The following ELOA variants were observed in gnomAD, a reference collection of about 807,000 sequenced individuals.
ELOA encodes elongin A.
Under a neutral mutation model 85.2 loss-of-function variants are expected in ELOA, and 15 were observed. The observed-to-expected ratio is 0.18, with a 90% confidence interval of 0.12 to 0.27. The LOEUF is 0.27. Among genes scored for constraint, ELOA ranks in the 10% least tolerant of loss-of-function variants. The probability of loss-of-function intolerance (pLI) is 1.00; values close to 1 mark genes in which losing one functional copy is unlikely to be tolerated. For synonymous variants in ELOA, 348 were observed against 357.2 expected, an observed-to-expected ratio of 0.97 and a Z score of 0.29; for missense variants, 769 against 952.7, an observed-to-expected ratio of 0.81 and a Z score of 2.54.
chr1:23,751,639 T>A lies in ELOA; in HGVS notation c.1034T>A (p.Leu345Gln), dbSNP rs1424562720. Residue 345 changes from leucine (L) to glutamine (Q), a missense_variant, in exon 4 of 11, where the codon CTG becomes CAG. Physicochemically the swap from Leu to Gln is moderately radical, Grantham distance 113. Transcript: ENST00000613537. ...KAKLDKSKQG[L>Q]DSFDTGKGAG... ...AAATTGGACAAAAGCAAGCAAGGTC[T>A]GGACAGCTTTGACACAGGAAAAGGA... The A allele has an allele frequency of 8.7e-6, 14 of 1,614,060 alleles. No individual in the cohort carries two copies. The highest frequency in any genetic ancestry group is 1.2e-5 in the Non-Finnish European group (14 of 1,180,044).
chr1:23,744,894 T>C (rs1644739875), intron 1 of ELOA, among the ~76,000 whole-genome samples: 1 of 152,180 alleles, frequency 6.6e-6, no homozygotes, highest in Non-Finnish European at 1.5e-5. Flanking sequence ...CCTGAAAGGC[T>C]AAGGTACCAG....
intron 3 of ELOA, 82 bp downstream of exon 3, chr1:23,750,030 T>G (rs1158068952): frequency 1.7e-6 from 2 of 1,164,622 alleles, no homozygotes; most frequent in African/African-American, 3.1e-5. Flanking sequence ...ATTTCTCTTT[T>G]GCCTTCTGAA....
At chr1:23,750,239 G>C (rs1163537290) in intron 3 of ELOA, among the ~76,000 whole-genome samples, 3 of 141,650 alleles carry the variant, frequency 2.1e-5, no homozygotes, top group Non-Finnish European at 4.5e-5. Flanking sequence ...GCAGTGGCGT[G>C]ATCTCGGCTC....
In ELOA at chr1:23,749,695, C is replaced by T; in HGVS notation, c.133-147C>T. 6.0e-6 allele frequency: 4 copies of T among 664,778 alleles called. No individual in the cohort carries two copies. The South Asian group carries it at 8.8e-5, about 15-fold the overall frequency. The allele number at this position is 664,778 out of a possible 1,614,324, so 41.2% of individuals were successfully genotyped here. ...TCATTAGAGATTTGGGGCATAGACA[C>T]AAAGTAATTTAGTGTTAAGATTTGC... On this transcript the variant is annotated intron_variant, in intron 2 of 10. Coordinates refer to ENST00000613537, the MANE Select transcript of ELOA (RefSeq NM_003198.3).
At chr1:23,744,567 C>T (rs529189319) in intron 1 of ELOA, among the ~76,000 whole-genome samples, 1 of 151,950 alleles carries the variant, frequency 6.6e-6, no homozygotes, top group African/African-American at 2.4e-5. Flanking sequence ...AATTGTCTGC[C>T]TCAGCCTCCC....
chr1:23,746,870 G>A (rs1644749560), intron 1 of ELOA, among the ~76,000 whole-genome samples: 1 of 152,154 alleles, frequency 6.6e-6, no homozygotes, highest in South Asian at 2.1e-4. Context: ...ACCTGAGGAT[G>A]CCCAATGTGC....
At chr1:23,758,251 ATTTAT>A (rs1342489532) in intron 10 of ELOA, among the ~76,000 whole-genome samples, 1 of 48,576 alleles carries the variant, frequency 2.1e-5, no homozygotes, top group African/African-American at 9.0e-5. Flanking sequence ...CTTCCAATTT[ATTTAT>A]TTATTTTTTT....
chr1:23,746,750 A>C (rs1427017057), intron 1 of ELOA, among the ~76,000 whole-genome samples: 1 of 152,152 alleles, frequency 6.6e-6, no homozygotes, highest in African/African-American at 2.4e-5. Flanking sequence ...GGGACAACTG[A>C]GATGCCTCAA....
chr1:23,745,636 G>A (rs1644742775), intron 1 of ELOA, among the ~76,000 whole-genome samples: 1 of 151,860 alleles, frequency 6.6e-6, no homozygotes, highest in Admixed American at 6.6e-5. Flanking sequence ...TTTTGCAAAG[G>A]GCATAATAGT....
chr1:23,743,604 G>T, intron 1 of ELOA, 26 bp downstream of exon 1: 1 of 1,472,548 alleles, frequency 6.8e-7, no homozygotes. Context: ...GCGCGTAGCG[G>T]GATGGGCGTT....
chr1:23,758,292 G>T (rs1272558548), intron 10 of ELOA, among the ~76,000 whole-genome samples: 1 of 22,818 alleles, frequency 4.4e-5, no homozygotes. Context: ...TTTTTTTTTG[G>T]AGACAGAGTC....
At chr1:23,758,072 C>T (rs563990373) in intron 10 of ELOA, among the ~76,000 whole-genome samples, 2 of 151,406 alleles carry the variant, frequency 1.3e-5, no homozygotes, top group Admixed American at 6.6e-5. Flanking sequence ...TTGTGAATGA[C>T]CATTTTGGCA....
At chr1:23,754,038 G>GGAAGTAGGA in intron 5 of ELOA, 62 bp from the exon 6 acceptor site, 1 of 1,574,570 alleles carries the variant, frequency 6.4e-7, no homozygotes, top group Non-Finnish European at 8.6e-7. Flanking sequence ...GAGGCTGAAG[G>GGAAGTAGGA]GGGTAGAAGG....
In ELOA at chr1:23,759,717, C is replaced by T. The variant is rs534893809; in HGVS notation, c.*144C>T. 2.3e-6 allele frequency: 2 copies of T among 856,924 alleles called. No homozygotes were observed. The highest frequency in any genetic ancestry group is 2.6e-5 in the East Asian group (1 of 37,886). 53.1% of individuals were successfully genotyped at this position (856,924 alleles called of 1,614,324 possible). The stretch of plus-strand genomic sequence containing the variant: ...GAGTCCTGCAGTCTGCAGGTGCTGC[C>T]CCTGGGAACCTGCGTGCCACAGCCC... On this transcript the variant is annotated 3_prime_UTR_variant, in exon 11 of 11. Coordinates refer to ENST00000613537, the MANE Select transcript of ELOA (RefSeq NM_003198.3).
At chr1:23,756,492 T>G (rs1644795383) in intron 9 of ELOA, 107 bp downstream of exon 9, 3 of 980,784 alleles carry the variant, frequency 3.1e-6, no homozygotes, top group South Asian at 2.9e-5. Context: ...GTGCAGACTG[T>G]GGGCTCTGGA....
intron 7 of ELOA, among the ~76,000 whole-genome samples, chr1:23,754,776 C>T (rs1019629112): frequency 1.3e-5 from 2 of 152,058 alleles, no homozygotes; most frequent in African/African-American, 4.8e-5. Flanking sequence ...GGACCCAGGG[C>T]GGGGAAAGCA....
chr1:23,756,221 A>T, intron 8 of ELOA, 53 bp from the exon 9 acceptor site: 1 of 1,499,096 alleles, frequency 6.7e-7, no homozygotes, highest in Non-Finnish European at 9.0e-7. Context: ...TTATTTAAAT[A>T]ACAGTAGCAT....
chr1:23,743,540 C>G lies in ELOA; in HGVS notation c.37C>G (p.Leu13Val). ...AESALQVVEK[L>V]QARLAANPDP... ...GTCGGCGCTCCAAGTTGTGGAGAAG[C>G]TGCAGGCGCGCCTGGCCGCGAACCC... The change falls in exon 1 of 11, where the codon CTG becomes GTG. Residue 13 changes from leucine (L) to valine (V), a missense_variant. Leu to Val is a conservative substitution (Grantham distance 32, BLOSUM62 1). This residue lies in a region of ELOA where 440 missense variants were observed against 474.0 expected (regional missense o/e 0.93). Coordinates refer to ENST00000613537, the MANE Select transcript of ELOA (RefSeq NM_003198.3). 6.7e-7 allele frequency: 1 copy of G among 1,497,994 alleles called. No homozygotes were observed. Among genetic ancestry groups the G allele is most frequent in the South Asian group, 1.2e-5 (1 of 80,346 alleles). 92.8% of individuals were successfully genotyped at this position (1,497,994 alleles called of 1,614,324 possible).
chr1:23,756,841 G>T, intron 9 of ELOA, 112 bp from the exon 10 acceptor site: 2 of 1,117,552 alleles, frequency 1.8e-6, no homozygotes, highest in Non-Finnish European at 2.5e-6. Flanking sequence ...AGGGTCCATT[G>T]GTCAAAGCCA....
Sources: gnomAD v4.1 joint callset for allele counts (sites outside exome capture counted in the v4.1 genomes callset) on GRCh38, gnomAD v4.1.1 for gene constraint, gnomAD v4.1.1 regional missense constraint, MANE v1.5 for transcripts, NCBI Gene and HGNC (gene_info 2026-07-23, HGNC 2026-07-21) for gene names.